The following KCND3 variants were observed in gnomAD, a reference collection of about 807,000 sequenced individuals.
KCND3 encodes potassium voltage-gated channel subfamily D member 3.
In KCND3, 9 loss-of-function variants were observed where a neutral mutation model predicts 51.1. That is an observed-to-expected ratio of 0.18 (90% CI 0.11 to 0.31). The LOEUF is 0.31. KCND3 is among the 10% of genes least tolerant of loss of function. KCND3 has a pLI of 1.00. For synonymous variants in KCND3, 349 were observed against 368.0 expected (o/e 0.95, Z 0.59); for missense variants, 526 against 903.8 (o/e 0.58, Z 5.36).
intron 2 of KCND3, among the ~76,000 whole-genome samples, chr1:111,809,146 C>T (rs1223310487): frequency 1.3e-5 from 2 of 152,108 alleles, no homozygotes; most frequent in Admixed American, 1.3e-4. Flanking sequence ...TGGGTGGGCC[C>T]TGGGCCGCTG....
At chr1:111,849,754 A>T (rs1667722570) in intron 2 of KCND3, among the ~76,000 whole-genome samples, 1 of 152,128 alleles carries the variant, frequency 6.6e-6, no homozygotes, top group Non-Finnish European at 1.5e-5. Context: ...GCCTGGCTCA[A>T]CCTAGTGTCT....
At chr1:111,834,124 A>G (rs972264267) in intron 2 of KCND3, among the ~76,000 whole-genome samples, 7 of 152,216 alleles carry the variant, frequency 4.6e-5, no homozygotes, top group Admixed American at 2.0e-4. Context: ...CAAGGATTTG[A>G]CCAGTGAAGG....
rs369429634 is a variant in KCND3, at chr1:111,784,103, T to TCACACACACACACACA, written c.1269+2825_1269+2840dup. 5.0e-3 allele frequency among the ~76,000 whole-genome samples: 586 copies of TCACACACACACACACA among 117,544 alleles called. 2 individuals are homozygous for TCACACACACACACACA. Among genetic ancestry groups the TCACACACACACACACA allele is most frequent in the East Asian group, 9.8e-3 (43 of 4,410 alleles). The allele number at this position is 117,544 out of a possible 152,430, so 77.1% of individuals were successfully genotyped here. On this transcript the variant is annotated intron_variant, in intron 3 of 7. Transcript: ENST00000302127. The stretch of plus-strand genomic sequence containing the variant: ...CCGTGGCAGTGGATGCATTAACTTA[T>TCACACACACACACACA]CACACACACACACACACACACACAC...
chr1:111,820,579 A>G (rs929764980), intron 2 of KCND3, among the ~76,000 whole-genome samples: 5 of 152,156 alleles, frequency 3.3e-5, no homozygotes, highest in African/African-American at 9.7e-5. Context: ...ATTTGGCTCT[A>G]AAGTTTTTGC....
intron 2 of KCND3, among the ~76,000 whole-genome samples, chr1:111,831,107 C>T (rs1221775406): frequency 3.3e-5 from 5 of 152,244 alleles, no homozygotes; most frequent in Admixed American, 6.5e-5. Context: ...CCTCTGACAC[C>T]GGCTGTGCTG....
intron 2 of KCND3, among the ~76,000 whole-genome samples, chr1:111,800,523 C>T (rs1182678983): frequency 7.4e-6 from 1 of 134,760 alleles, no homozygotes; most frequent in African/African-American, 2.8e-5. Context: ...GTGAGAAACA[C>T]CCAAGAATTA....
chr1:111,884,870 T>G (rs767315143), intron 2 of KCND3, among the ~76,000 whole-genome samples: 1 of 152,176 alleles, frequency 6.6e-6, no homozygotes, highest in Non-Finnish European at 1.5e-5. Context: ...CTTGGCACTA[T>G]TGACATTGGG....
chr1:111,778,459 A>G lies in KCND3; in HGVS notation c.1495T>C (p.Ser499Pro). ...ACCTTGATGGTGGAGGTTCGTACAGATAACAGGGGATCATCCACAAGATAG... is the reference window on the plus strand; with the variant it reads ...ACCTTGATGGTGGAGGTTCGTACAGGTAACAGGGGATCATCCACAAGATAG... ...LSYLVDDPLL[S>P]VRTSTIKNHE... The change falls in exon 6 of 8, where the codon TCT (serine) becomes CCT (proline). Residue 499 changes from serine to proline, a missense_variant. Around this residue, in one of 5 missense-constraint regions of KCND3, gnomAD observed 266 missense variants for 305.5 expected, o/e 0.87. Transcript: ENST00000302127. 2 of 1,614,052 alleles carry G rather than the reference A, an allele frequency of 1.2e-6. No homozygotes were observed. Among genetic ancestry groups the G allele is most frequent in the Non-Finnish European group, 1.7e-6 (2 of 1,179,894 alleles).
intron 6 of KCND3, among the ~76,000 whole-genome samples, chr1:111,777,944 G>C (rs755770377): frequency 1.3e-5 from 2 of 152,218 alleles, no homozygotes; most frequent in Non-Finnish European, 2.9e-5. Flanking sequence ...GAGGCCATTG[G>C]GATGGGGTAT....
intron 2 of KCND3, among the ~76,000 whole-genome samples, chr1:111,795,934 T>C (rs566843863): frequency 1.8e-4 from 28 of 152,226 alleles, no homozygotes; most frequent in Non-Finnish European, 3.7e-4. Flanking sequence ...TCTCAAATGA[T>C]CAATGATGTT....
intron 2 of KCND3, among the ~76,000 whole-genome samples, chr1:111,967,024 C>T (rs1421529138): frequency 6.6e-6 from 1 of 151,830 alleles, no homozygotes; most frequent in Non-Finnish European, 1.5e-5. Flanking sequence ...CCTGTAATCC[C>T]AGCTACTTGG....
intron 2 of KCND3, among the ~76,000 whole-genome samples, chr1:111,908,062 A>G (rs1260323122): frequency 1.3e-5 from 2 of 152,238 alleles, no homozygotes; most frequent in Non-Finnish European, 2.9e-5. Context: ...CAATGCCGAC[A>G]TAACAGCTTT....
At chr1:111,870,961 T>C (rs953153193) in intron 2 of KCND3, among the ~76,000 whole-genome samples, 6 of 152,186 alleles carry the variant, frequency 3.9e-5, no homozygotes, top group African/African-American at 1.4e-4. Context: ...CAAAGAGACA[T>C]ACTTATCTGC....
At chr1:111,832,851 G>C (rs1477615938) in intron 2 of KCND3, among the ~76,000 whole-genome samples, 1 of 152,198 alleles carries the variant, frequency 6.6e-6, no homozygotes, top group African/African-American at 2.4e-5. Flanking sequence ...TGGTTGCTGT[G>C]AAGACTGATG....
intron 2 of KCND3, among the ~76,000 whole-genome samples, chr1:111,893,148 G>A (rs1364646141): frequency 2.6e-5 from 4 of 152,230 alleles, no homozygotes; most frequent in Non-Finnish European, 5.9e-5. Context: ...CCAGAAGTGG[G>A]AGATAGACAG....
intron 2 of KCND3, among the ~76,000 whole-genome samples, chr1:111,808,937 AGGG>A (rs1196837756): frequency 1.3e-5 from 2 of 152,218 alleles, no homozygotes; most frequent in Non-Finnish European, 2.9e-5. Context: ...AGCAAGAGGG[AGGG>A]GACACCCTGA....
intron 2 of KCND3, among the ~76,000 whole-genome samples, chr1:111,923,515 T>C (rs2101842845): frequency 6.6e-6 from 1 of 152,328 alleles, no homozygotes; most frequent in Admixed American, 6.5e-5. Context: ...TGACAGGTAG[T>C]TGTGCCTAAC....
intron 2 of KCND3, among the ~76,000 whole-genome samples, chr1:111,957,382 G>T (rs1673391965): frequency 6.6e-6 from 1 of 152,162 alleles, no homozygotes; most frequent in Non-Finnish European, 1.5e-5. Context: ...AGAGAGGAAG[G>T]GTCTTCCCTT....
At chr1:111,974,020 A>G (rs560226740) in intron 2 of KCND3, among the ~76,000 whole-genome samples, 2 of 152,358 alleles carry the variant, frequency 1.3e-5, no homozygotes, top group Non-Finnish European at 2.9e-5. Context: ...ATAAGATTAC[A>G]TGAGCTAAAT....
Sources: gnomAD v4.1 joint callset for allele counts (sites outside exome capture counted in the v4.1 genomes callset) on GRCh38, gnomAD v4.1.1 for gene constraint, gnomAD v4.1.1 regional missense constraint, MANE v1.5 for transcripts, NCBI Gene and HGNC (gene_info 2026-07-23, HGNC 2026-07-21) for gene names.